Variants in CAPN14 observed in about 807,000 individuals in gnomAD.
CAPN14 encodes calpain-14.
In CAPN14, 94 loss-of-function variants were observed where a neutral mutation model predicts 101.3. The ratio of observed to expected loss-of-function variants is 0.93; its 90% CI spans 0.79 to 1.10. The LOEUF (loss-of-function observed/expected upper bound fraction) is 1.10. Ranked by LOEUF, CAPN14 falls within the 50% of genes least tolerant of loss-of-function variation. The probability of loss-of-function intolerance (pLI) is 0.00; values close to 1 mark genes in which losing one functional copy is unlikely to be tolerated. For missense variants in CAPN14, 837 were observed against 828.4 expected (o/e 1.01, Z -0.13); for synonymous variants, 338 against 317.9 (o/e 1.06, Z -0.67).
At chr2:31,222,943 C>T (rs1233286726) in intron 2 of CAPN14, among the ~76,000 whole-genome samples, 1 of 152,170 alleles carries the variant, frequency 6.6e-6, no homozygotes, top group Non-Finnish European at 1.5e-5. Flanking sequence ...GATTAGGGCT[C>T]TTATAAAAGG....
At chr2:31,179,543 G>A (rs1386054745) in intron 17 of CAPN14, among the ~76,000 whole-genome samples, 2 of 152,204 alleles carry the variant, frequency 1.3e-5, no homozygotes, top group Non-Finnish European at 2.9e-5. Flanking sequence ...ATGTGCATGT[G>A]TCTTTACAGA....
chr2:31,220,641 C>G (rs951113386), upstream of CAPN14, among the ~76,000 whole-genome samples: 3 of 152,240 alleles, frequency 2.0e-5, no homozygotes, highest in African/African-American at 7.2e-5. Context: ...ACAGCCTGAC[C>G]AACATGGTGA....
intron 1 of CAPN14, among the ~76,000 whole-genome samples, chr2:31,205,958 C>T (rs1572425376): frequency 6.6e-6 from 1 of 152,170 alleles, no homozygotes; most frequent in Middle Eastern, 3.4e-3. Flanking sequence ...AGACACACAG[C>T]ATTCCTCCTG....
intron 1 of CAPN14, among the ~76,000 whole-genome samples, chr2:31,229,767 C>T (rs948105639): frequency 3.3e-5 from 5 of 152,010 alleles, no homozygotes; most frequent in Non-Finnish European, 7.4e-5. Context: ...TACCCATCCC[C>T]AATTCCATTT....
At position 31,203,110 on chromosome 2, in the gene CAPN14, A is replaced by G; in HGVS notation, c.255T>C (p.Phe85=). The G allele has an allele frequency of 1.3e-6, 2 of 1,551,690 alleles. No homozygotes were observed. ...ACAGATCCAGCCTTTTGGCCTTGGC[A>G]AAATAAAACTGGGGATTGCTGTGCA... The part of the protein sequence containing the change: ...PELHSNPQFY[F]AKAKRLDLCQ... The change falls in exon 3 of 22, where the codon TTT becomes TTC. Residue 85 remains phenylalanine (F), a synonymous_variant. Coordinates refer to ENST00000403897, the MANE Select transcript of CAPN14 (RefSeq NM_001145122.2).
intron 16 of CAPN14, 21 bp from the exon 17 acceptor site, chr2:31,181,021 C>A (rs766475493): frequency 6.5e-7 from 1 of 1,550,064 alleles, no homozygotes; most frequent in East Asian, 2.4e-5. Flanking sequence ...GCGAAAGAGT[C>A]CACATGGGGG....
At chr2:31,177,224 C>A in intron 19 of CAPN14, 82 bp from the exon 20 acceptor site, 1 of 892,104 alleles carries the variant, frequency 1.1e-6, no homozygotes, top group Non-Finnish European at 1.7e-6. Context: ...TTCAAATGTC[C>A]CTCCAGTTTA....
intron 12 of CAPN14, chr2:31,189,817 C>T (rs141227795): frequency 6.9e-5 from 32 of 466,942 alleles, no homozygotes; most frequent in African/African-American, 5.7e-4. Flanking sequence ...GTTAGGTCAT[C>T]TGCCCAGAGT....
Position 31,177,739 on chromosome 2 carries a change from T to G in CAPN14, c.1855+7A>C. 6.5e-7 allele frequency: 1 copy of G among 1,550,306 alleles called. No homozygotes were observed. ...GTGCCCACAGCTCCAGCTCTTCCTG[T>G]GCCTACCTGCCTCCCTCATGGCAGC... On this transcript the variant is annotated splice_region_variant and intron_variant, in intron 19 of 21. Transcript: ENST00000403897.
chr2:31,207,182 G>A (rs1002773389), intron 1 of CAPN14, among the ~76,000 whole-genome samples: 2 of 152,152 alleles, frequency 1.3e-5, no homozygotes, highest in African/African-American at 4.8e-5. Flanking sequence ...ATGGCTGTAG[G>A]AGTGACCTGG....
chr2:31,199,286 T>C (rs972031968), intron 7 of CAPN14, among the ~76,000 whole-genome samples, 184 bp downstream of exon 7: 6 of 152,192 alleles, frequency 3.9e-5, no homozygotes, highest in African/African-American at 1.4e-4. Flanking sequence ...GGATGATGCA[T>C]TGGTGGTGGC....
intron 1 of CAPN14, among the ~76,000 whole-genome samples, chr2:31,231,278 T>C (rs1025485060): frequency 2.0e-5 from 3 of 152,222 alleles, no homozygotes; most frequent in African/African-American, 7.2e-5. Flanking sequence ...TAGATTTTGA[T>C]TTCAATCATA....
intron 8 of CAPN14, 50 bp downstream of exon 8, chr2:31,197,199 T>G: frequency 7.6e-7 from 1 of 1,320,916 alleles, no homozygotes; most frequent in Non-Finnish European, 1.1e-6. Context: ...GGCAGCCTCC[T>G]TTGCCTAACC....
intron 1 of CAPN14, among the ~76,000 whole-genome samples, chr2:31,226,865 C>T (rs544551665): frequency 5.3e-5 from 8 of 152,142 alleles, no homozygotes; most frequent in Non-Finnish European, 1.2e-4. Flanking sequence ...CAAGGGATTT[C>T]GGTAAGCTGC....
chr2:31,209,433 G>T (rs1022922074), intron 1 of CAPN14, among the ~76,000 whole-genome samples: 3 of 152,204 alleles, frequency 2.0e-5, no homozygotes, highest in Admixed American at 2.0e-4. Context: ...GATAACCTAA[G>T]TGCCTTGATC....
chr2:31,180,183 T>TC (rs61690866), intron 17 of CAPN14, among the ~76,000 whole-genome samples: 50,419 of 151,630 alleles, frequency 0.33, 9,971 homozygotes, highest in African/African-American at 0.55. Flanking sequence ...CGGCATTAAC[T>TC]CCCCATGTTC....
In CAPN14 at chr2:31,188,359, G is replaced by C; in HGVS notation, c.1494-5C>G. 1.3e-6 allele frequency: 2 copies of C among 1,551,348 alleles called. No homozygotes were observed. Among genetic ancestry groups the C allele is most frequent in the Non-Finnish European group, 1.7e-6 (2 of 1,146,758 alleles). ...CCAGAATTGCTGCCAATTTCACTGA[G>C]AACAAACAAACAAGAACAAACTCAG... On this transcript the variant is annotated splice_polypyrimidine_tract_variant and splice_region_variant and intron_variant, in intron 13 of 21. Coordinates refer to ENST00000403897, the MANE Select transcript of CAPN14 (RefSeq NM_001145122.2).
At chr2:31,205,150 A>G in intron 2 of CAPN14, 73 bp downstream of exon 2, 3 of 1,319,580 alleles carry the variant, frequency 2.3e-6, no homozygotes, top group Non-Finnish European at 3.2e-6. Context: ...TTTCTCCCAT[A>G]TATCTTAGGC....
Position 31,186,496 on chromosome 2 carries a change from A to C in CAPN14, c.1588-11T>G, listed in dbSNP as rs1451853637. ...ATTAATCTCTGGATGCTAAATAGAAAGCAGATTGGCAAGAAAAAATAACTG... is the reference window on the plus strand; with the variant it reads ...ATTAATCTCTGGATGCTAAATAGAACGCAGATTGGCAAGAAAAAATAACTG... On this transcript the variant is annotated splice_polypyrimidine_tract_variant and intron_variant, in intron 15 of 21. Transcript: ENST00000403897. The C allele has an allele frequency of 6.5e-7, 1 of 1,545,018 alleles. No individual in the cohort carries two copies. Among genetic ancestry groups the C allele is most frequent in the Non-Finnish European group, 8.7e-7 (1 of 1,144,042 alleles).
Sources: allele counts gnomAD v4.1 joint callset (sites outside exome capture counted in the v4.1 genomes callset), GRCh38; gene constraint gnomAD v4.1.1; transcripts MANE v1.5; gene names NCBI Gene and HGNC (gene_info 2026-07-23, HGNC 2026-07-21).